The following CNOT9 variants were observed in gnomAD, a reference collection of about 807,000 sequenced individuals.
CNOT9 encodes CCR4-NOT transcription complex subunit 9.
Under a neutral mutation model 37.4 loss-of-function variants are expected in CNOT9, and 8 were observed. The observed-to-expected ratio is 0.21, with a 90% CI of 0.13 to 0.39. The LOEUF is 0.39. Among genes scored for constraint, CNOT9 ranks in the 10% least tolerant of loss-of-function variants. CNOT9 has a pLI of 1.00. For missense variants in CNOT9, 154 were observed against 365.3 expected (o/e 0.42, Z 4.71); for synonymous variants, 120 against 137.6 (o/e 0.87, Z 0.90).
intron 5 of CNOT9, among the ~76,000 whole-genome samples, chr2:218,589,569 C>T (rs1694706614): frequency 6.6e-6 from 1 of 152,200 alleles, no homozygotes; most frequent in South Asian, 2.1e-4. Flanking sequence ...CTCCTGGGCT[C>T]AAAGGATCTT....
At chr2:218,588,734 T>C (rs1694680890) in intron 5 of CNOT9, among the ~76,000 whole-genome samples, 2 of 45,998 alleles carry the variant, frequency 4.3e-5, no homozygotes, top group South Asian at 4.5e-3. Flanking sequence ...TCCTGGCTAA[T>C]TTTTTTTTTT....
At chr2:218,569,123 C>A (rs1326079566) in intron 1 of CNOT9, 145 bp downstream of exon 1, 4 of 881,406 alleles carry the variant, frequency 4.5e-6, no homozygotes, top group Admixed American at 2.7e-5. Flanking sequence ...CTCCTCGGCA[C>A]GCTTTGGTTG....
At chr2:218,581,588 C>T (rs1271667658) in intron 2 of CNOT9, among the ~76,000 whole-genome samples, 2 of 152,176 alleles carry the variant, frequency 1.3e-5, no homozygotes, top group Non-Finnish European at 2.9e-5. Flanking sequence ...GGCTAATTAA[C>T]TGATATGGTA....
At chr2:218,593,778 C>T (rs1391074904) in intron 7 of CNOT9, 1 of 1,203,520 alleles carries the variant, frequency 8.3e-7, no homozygotes, top group African/African-American at 1.5e-5. Context: ...TTTTATTTGC[C>T]ATAATCCATA....
chr2:218,579,207 C>A (rs1694280487), intron 1 of CNOT9, among the ~76,000 whole-genome samples: 1 of 152,154 alleles, frequency 6.6e-6, no homozygotes, highest in Non-Finnish European at 1.5e-5. Flanking sequence ...CCCTGTAAAT[C>A]CCCAACCTTA....
At chr2:218,593,493 T>C in intron 7 of CNOT9, 1 of 1,287,682 alleles carries the variant, frequency 7.8e-7, no homozygotes, top group Non-Finnish European at 1.0e-6. Flanking sequence ...TTGTTTAAAA[T>C]AGCTCTACAC....
chr2:218,575,924 G>GT (rs531365449), intron 1 of CNOT9, among the ~76,000 whole-genome samples: 93 of 152,308 alleles, frequency 6.1e-4, no homozygotes, highest in African/African-American at 2.2e-3. Flanking sequence ...TCAAAGAGTT[G>GT]TAGCATCTGA....
intron 1 of CNOT9, among the ~76,000 whole-genome samples, chr2:218,580,260 C>T (rs906393479): frequency 4.6e-5 from 7 of 152,146 alleles, no homozygotes; most frequent in Non-Finnish European, 8.8e-5. Flanking sequence ...TGTGCCACCG[C>T]GCCCGGCCAC....
chr2:218,580,468 A>G, intron 1 of CNOT9, 93 bp from the exon 2 acceptor site: 4 of 1,079,974 alleles, frequency 3.7e-6, no homozygotes, highest in Non-Finnish European at 3.9e-6. Context: ...CCTGGTATTC[A>G]TGAAAAATAT....
chr2:218,575,357 T>C (rs991077322), intron 1 of CNOT9, among the ~76,000 whole-genome samples: 1 of 151,896 alleles, frequency 6.6e-6, no homozygotes, highest in Non-Finnish European at 1.5e-5. Context: ...GAGTAAAAGA[T>C]CCACAATTTT....
chr2:218,589,704 A>G (rs1443144478), intron 5 of CNOT9, among the ~76,000 whole-genome samples: 1 of 152,194 alleles, frequency 6.6e-6, no homozygotes, highest in African/African-American at 2.4e-5. Context: ...ATTCACAGCC[A>G]TGATAATGGC....
intron 1 of CNOT9, among the ~76,000 whole-genome samples, chr2:218,570,565 G>GGA (rs1693954017): frequency 6.6e-6 from 1 of 151,998 alleles, no homozygotes; most frequent in African/African-American, 2.4e-5. Flanking sequence ...GTAACGTGGG[G>GGA]AAAAGCAAGT....
rs35720728 is a variant in CNOT9, at chr2:218,585,574, CAAA to C, written c.430+863_430+865del. Among the ~76,000 whole-genome samples, 6 of 141,174 alleles carry C rather than the reference CAAA, an allele frequency of 4.3e-5. No homozygotes were observed. The South Asian group carries it at 1.3e-3, about 31-fold the overall frequency. 92.6% of individuals were successfully genotyped at this position (141,174 alleles called of 152,430 possible). ...CCAGCCTGGGCGGCAGAGGGAGACT[CAAA>C]AAAAAAAAATTAAATTTCCATGTAC... On this transcript the variant is annotated intron_variant, in intron 4 of 7. Transcript: ENST00000273064.
At chr2:218,578,657 G>A (rs747334502) in intron 1 of CNOT9, among the ~76,000 whole-genome samples, 16 of 152,056 alleles carry the variant, frequency 1.1e-4, no homozygotes, top group South Asian at 2.1e-4. Context: ...CTTCCCCCCC[G>A]CCTCCCGCTC....
rs1354954341 is a variant in CNOT9 at position 218,584,526 on chromosome 2, AC to A, written c.321-85del. 1.4e-5 allele frequency: 13 copies of A among 944,200 alleles called. No homozygotes were observed. The East Asian group carries it at 2.6e-4, about 19-fold the overall frequency. The allele number at this position is 944,200 out of a possible 1,614,324, so 58.5% of individuals were successfully genotyped here. On this transcript the variant is annotated intron_variant, in intron 3 of 7. Coordinates refer to ENST00000273064, the MANE Select transcript of CNOT9 (RefSeq NM_005444.3). ...CTTGCTCTGACAATGTTAAGGCCTT[AC>A]AGAATTAACCACCTAGAAATTTGAA...
chr2:218,587,880 T>C (rs1424372144), intron 5 of CNOT9, among the ~76,000 whole-genome samples, 185 bp downstream of exon 5: 4 of 152,234 alleles, frequency 2.6e-5, no homozygotes, highest in African/African-American at 9.6e-5. Flanking sequence ...AGTTAAACAC[T>C]AAATTTCTTT....
chr2:218,585,929 A>T (rs1694580915), intron 4 of CNOT9, among the ~76,000 whole-genome samples: 1 of 152,218 alleles, frequency 6.6e-6, no homozygotes, highest in African/African-American at 2.4e-5. Context: ...GATGTGAGCC[A>T]CTGCACCTAG....
intron 2 of CNOT9, chr2:218,581,097 G>C (rs1050843591): frequency 4.4e-6 from 2 of 456,320 alleles, no homozygotes; most frequent in African/African-American, 4.0e-5. Context: ...GTGGAAAGTA[G>C]AGTATAAGGA....
In CNOT9 at chr2:218,594,448, G is replaced by C; in HGVS notation, c.*172G>C. ...TGAGGTGTATGGGCTGCCATCTCAG[G>C]CTGTCTTGAGGACCTGGGCTCCCTC... On this transcript the variant is annotated 3_prime_UTR_variant, in exon 8 of 8. Coordinates refer to ENST00000273064, the MANE Select transcript of CNOT9 (RefSeq NM_005444.3). 4 of 720,250 alleles carry C rather than the reference G, an allele frequency of 5.6e-6. No individual in the cohort carries two copies. The highest frequency in any genetic ancestry group is 4.0e-4 in the Middle Eastern group (1 of 2,494). The allele number at this position is 720,250 out of a possible 1,614,324, so 44.6% of individuals were successfully genotyped here.
Sources: allele counts gnomAD v4.1 joint callset (sites outside exome capture counted in the v4.1 genomes callset), GRCh38; gene constraint gnomAD v4.1.1; transcripts MANE v1.5; gene names NCBI Gene and HGNC (gene_info 2026-07-23, HGNC 2026-07-21).